F8: variants seen among roughly 807,000 people sequenced by gnomAD.
The protein encoded by F8 is antihemophilic factor.
Under a neutral mutation model 140.6 loss-of-function variants are expected in F8, and 12 were observed. The observed-to-expected ratio is 0.09, with a 90% confidence interval of 0.05 to 0.14. F8 has a LOEUF of 0.14. F8 is among the 10% of genes least tolerant of loss of function. F8 has a pLI of 1.00. For synonymous variants in F8, 585 were observed against 614.6 expected (o/e 0.95, Z 0.71); for missense variants, 1,354 against 1,720.7 (o/e 0.79, Z 3.77).
chrX:154,925,063 C>T (rs7357950), intron 14 of F8, among the ~76,000 whole-genome samples: 3 of 112,355 alleles, frequency 2.7e-5, no homozygotes, highest in African/African-American at 9.7e-5. Flanking sequence ...TAACATTCGG[C>T]TCCTCATTAC....
intron 14 of F8, among the ~76,000 whole-genome samples, chrX:154,923,058 G>T (rs2073140233): frequency 8.9e-6 from 1 of 111,746 alleles, no homozygotes; most frequent in Admixed American, 9.4e-5. Flanking sequence ...ATTCAGATGA[G>T]AAATGATGAT....
At chrX:155,019,511 T>C (rs2073749782) in intron 1 of F8, among the ~76,000 whole-genome samples, 2 of 111,379 alleles carry the variant, frequency 1.8e-5, no homozygotes, top group South Asian at 7.6e-4. Context: ...GAATATACAA[T>C]GGCTGGGTGC....
intron 6 of F8, among the ~76,000 whole-genome samples, chrX:154,982,438 T>C (rs1603436001): frequency 1.4e-5 from 1 of 69,700 alleles, no homozygotes; most frequent in Admixed American, 1.9e-4. Context: ...ACAGCAAGAC[T>C]CCGTCTCAAA....
intron 8 of F8, 98 bp from the exon 9 acceptor site, chrX:154,966,239 G>A: frequency 1.0e-6 from 1 of 970,702 alleles, no homozygotes; most frequent in Non-Finnish European, 1.4e-6. Context: ...TCAAGGCAAG[G>A]AGTGAGAAAA....
intron 25 of F8, among the ~76,000 whole-genome samples, chrX:154,859,006 G>A: frequency 8.9e-6 from 1 of 112,182 alleles, no homozygotes; most frequent in Non-Finnish European, 1.9e-5. Context: ...TCTCCCTAAT[G>A]TGGGAGGCAT....
rs1331076928 is a variant in F8, at chrX:154,837,494, G to A, written c.*103C>T. On this transcript the variant is annotated 3_prime_UTR_variant, in exon 26 of 26. Coordinates refer to ENST00000360256, the MANE Select transcript of F8 (RefSeq NM_000132.4). ...TTCAGGAGGCTTCAAGGCAGTGTCT[G>A]CTAGGATTTAGCACAAAGGTAGAAG... 3.5e-5 allele frequency: 34 copies of A among 962,431 alleles called. No homozygotes were observed. The highest frequency in any genetic ancestry group is 1.5e-4 in the African/African-American group (8 of 51,823). The allele number at this position is 962,431 out of a possible 1,213,427, so 79.3% of individuals were successfully genotyped here.
intron 13 of F8, among the ~76,000 whole-genome samples, chrX:154,937,904 T>C (rs1194738393): frequency 9.0e-6 from 1 of 111,681 alleles, no homozygotes; most frequent in Non-Finnish European, 1.9e-5. Context: ...GATATTTTTA[T>C]TGATAAAATT....
intron 22 of F8, among the ~76,000 whole-genome samples, chrX:154,867,769 A>C (rs1349927343): frequency 9.1e-6 from 1 of 109,832 alleles, no homozygotes; most frequent in Non-Finnish European, 1.9e-5. Context: ...ATCCCTGATG[A>C]ACACGGATAC....
At chrX:154,867,690 C>CAAAAAAAAAAAAAAAAAAAAAAAAAAA (rs373471645) in intron 22 of F8, among the ~76,000 whole-genome samples, 1 of 41,828 alleles carries the variant, frequency 2.4e-5, no homozygotes, top group Non-Finnish European at 4.5e-5. Flanking sequence ...GACTCTGTCT[C>CAAAAAAAAAAAAAAAAAAAAAAAAAAA]AAAAAAAAAA....
intron 1 of F8, among the ~76,000 whole-genome samples, chrX:155,003,960 CAAAAA>C (rs869097926): frequency 3.0e-5 from 1 of 33,176 alleles, no homozygotes; most frequent in Non-Finnish European, 5.2e-5. Flanking sequence ...GATTCTGTCT[CAAAAA>C]AAAAAAAAAA....
intron 20 of F8, 83 bp from the exon 21 acceptor site, chrX:154,900,034 G>T: frequency 1.2e-6 from 1 of 865,707 alleles, no homozygotes; most frequent in Non-Finnish European, 1.7e-6. Flanking sequence ...TCTTGAGAAA[G>T]GTTAATCTAA....
chrX:154,931,006 C>A lies in F8; in HGVS notation c.2784G>T (p.Met928Ile). ...CTAATTGACTATCATAATGAACTGG[C>A]ATACTTGGGGGTCCTAAGGAACTTG... The part of the protein sequence containing the change: ...DNTSSLGPPS[M>I]PVHYDSQLDT... The change falls in exon 14 of 26, where the codon ATG (methionine) becomes ATT (isoleucine). Residue 928 changes from methionine to isoleucine, a missense_variant. Physicochemically the swap from Met to Ile is conservative, Grantham distance 10. This residue lies in a region of F8 where 658 missense variants were observed against 666.5 expected (regional missense o/e 0.99). Transcript: ENST00000360256. 8.4e-7 allele frequency: 1 copy of A among 1,193,100 alleles called. No individual in the cohort carries two copies. Among genetic ancestry groups the A allele is most frequent in the Non-Finnish European group, 1.1e-6 (1 of 887,060 alleles).
At chrX:154,991,487 G>A (rs972124642) in intron 4 of F8, among the ~76,000 whole-genome samples, 2 of 112,191 alleles carry the variant, frequency 1.8e-5, no homozygotes, top group Admixed American at 1.9e-4. Context: ...TTATAGTTAA[G>A]TTCAATGGGA....
chrX:154,839,078 G>A (rs189547685), intron 25 of F8, among the ~76,000 whole-genome samples: 1 of 109,280 alleles, frequency 9.2e-6, no homozygotes, highest in Admixed American at 9.8e-5. Context: ...TTACCGCATC[G>A]CAGATGAGCT....
In F8 at chrX:154,944,330, AC is replaced by A. The variant is rs1362509882; in HGVS notation, c.2113+3367del. On this transcript the variant is annotated intron_variant, in intron 13 of 25. Coordinates refer to ENST00000360256, the MANE Select transcript of F8 (RefSeq NM_000132.4). ...ACTCAAACAAATTTACAAGAAAAAA[AC>A]AAACAACCCCATCAAAAAGTGGGCG... Among the ~76,000 whole-genome samples, 4 of 109,978 alleles carry A rather than the reference AC, an allele frequency of 3.6e-5. No homozygotes were observed. In the East Asian group the frequency reaches 1.1e-3, roughly 31 times the overall value.
chrX:154,957,390 C>T (rs1368043562), intron 10 of F8, among the ~76,000 whole-genome samples: 1 of 111,337 alleles, frequency 9.0e-6, no homozygotes, highest in African/African-American at 3.3e-5. Context: ...GTGAAAGTGT[C>T]AGGCCTGAAT....
At chrX:154,972,655 G>A (rs1296650770) in intron 6 of F8, among the ~76,000 whole-genome samples, 5 of 105,424 alleles carry the variant, frequency 4.7e-5, no homozygotes, top group Non-Finnish European at 7.8e-5. Flanking sequence ...AGAGTTTCAG[G>A]TCTTAAATTT....
At chrX:154,906,749 T>G (rs1240154891) in intron 14 of F8, among the ~76,000 whole-genome samples, 176 bp from the exon 15 acceptor site, 2 of 112,267 alleles carry the variant, frequency 1.8e-5, no homozygotes, top group Non-Finnish European at 3.8e-5. Context: ...AAGCTGGGGT[T>G]TTGTCTGTTT....
At chrX:154,954,876 T>A (rs2124091431) in intron 11 of F8, among the ~76,000 whole-genome samples, 1 of 111,827 alleles carries the variant, frequency 8.9e-6, no homozygotes, top group South Asian at 3.7e-4. Flanking sequence ...CCATGTGTTT[T>A]ATTGGCACCA....
Sources: allele counts gnomAD v4.1 joint callset (sites outside exome capture counted in the v4.1 genomes callset), GRCh38; gene constraint gnomAD v4.1.1; regional missense constraint gnomAD v4.1.1; transcripts MANE v1.5; gene names NCBI Gene and HGNC (gene_info 2026-07-23, HGNC 2026-07-21).